Variants in AKAP19 observed in about 807,000 individuals in gnomAD.
The protein encoded by AKAP19 is A-kinase anchoring protein 19.
the AKAP19 span, among the ~76,000 whole-genome samples, chr2:190,185,289 G>A: frequency 6.6e-6 from 1 of 152,204 alleles, no homozygotes; most frequent in African/African-American, 2.4e-5. Flanking sequence ...TTAGGTTTGT[G>A]ACCAAGGCCT....
chr2:190,052,090 C>CA, the AKAP19 span, among the ~76,000 whole-genome samples: 1 of 152,230 alleles, frequency 6.6e-6, no homozygotes, highest in East Asian at 1.9e-4. Context: ...CCGCCCGCCT[C>CA]AGCCTCCCAA....
the AKAP19 span, among the ~76,000 whole-genome samples, chr2:190,045,832 G>A: frequency 6.6e-6 from 1 of 152,140 alleles, no homozygotes; most frequent in African/African-American, 2.4e-5. Flanking sequence ...AGCTACTTTT[G>A]TCAGAAAGCC....
chr2:190,050,547 A>G, the AKAP19 span, among the ~76,000 whole-genome samples: 10 of 152,338 alleles, frequency 6.6e-5, no homozygotes, highest in Middle Eastern at 0.014. Context: ...AAAGGATGTC[A>G]TCTCATTTTA....
At chr2:189,949,897 T>C in the AKAP19 span, among the ~76,000 whole-genome samples, 1 of 151,898 alleles carries the variant, frequency 6.6e-6, no homozygotes, top group Non-Finnish European at 1.5e-5. Context: ...CCCAAAGTGC[T>C]GGGATTACAG....
the AKAP19 span, among the ~76,000 whole-genome samples, chr2:190,105,482 C>T: frequency 6.6e-6 from 1 of 152,116 alleles, no homozygotes; most frequent in African/African-American, 2.4e-5. Flanking sequence ...CAAACTGTCC[C>T]CAGACATCTT....
chr2:189,911,415 T>A, the AKAP19 span, among the ~76,000 whole-genome samples: 10 of 152,230 alleles, frequency 6.6e-5, no homozygotes, highest in South Asian at 8.3e-4. Flanking sequence ...CTTACTTTCC[T>A]AAAATTTTTC....
chr2:190,089,454 T>C, the AKAP19 span: 2 of 152,128 alleles, frequency 1.3e-5, no homozygotes, highest in African/African-American at 2.4e-5. Context: ...CCTGAAGGTT[T>C]TTAAAAATTC....
the AKAP19 span, among the ~76,000 whole-genome samples, chr2:189,967,770 C>T: frequency 9.2e-5 from 14 of 151,424 alleles, no homozygotes; most frequent in Admixed American, 3.3e-4. Context: ...ACTATAATCA[C>T]ACCTGTGAAT....
the AKAP19 span, among the ~76,000 whole-genome samples, chr2:190,053,317 A>G: frequency 6.6e-6 from 1 of 152,198 alleles, no homozygotes; most frequent in Admixed American, 6.5e-5. Flanking sequence ...AGGATATGAT[A>G]CTATTGAAGT....
the AKAP19 span, among the ~76,000 whole-genome samples, chr2:190,066,171 C>T: frequency 6.6e-6 from 1 of 152,108 alleles, no homozygotes; most frequent in African/African-American, 2.4e-5. Context: ...TGGTATGGTT[C>T]GTCTTTGTAC....
the AKAP19 span, among the ~76,000 whole-genome samples, chr2:190,154,340 T>C: frequency 2.0e-5 from 3 of 152,216 alleles, no homozygotes. Flanking sequence ...TTTAATCATT[T>C]GCTGTATTTT....
chr2:190,120,362 T>TG, the AKAP19 span, among the ~76,000 whole-genome samples: 7,545 of 151,764 alleles, frequency 0.05, 269 homozygotes, highest in Non-Finnish European at 0.065. Flanking sequence ...CCAAAAAAGC[T>TG]GGGGGGGGCC....
At chr2:190,037,133 G>C in the AKAP19 span, among the ~76,000 whole-genome samples, 1 of 152,170 alleles carries the variant, frequency 6.6e-6, no homozygotes, top group African/African-American at 2.4e-5. Flanking sequence ...CAACTGCTAG[G>C]GCTCAGACAT....
the AKAP19 span, among the ~76,000 whole-genome samples, chr2:190,085,881 G>A: frequency 3.9e-5 from 6 of 152,182 alleles, no homozygotes; most frequent in African/African-American, 1.4e-4. Flanking sequence ...GAGCACGAAG[G>A]CCATGGGAAA....
chr2:190,023,088 A>G, the AKAP19 span, among the ~76,000 whole-genome samples: 1 of 152,074 alleles, frequency 6.6e-6, no homozygotes, highest in African/African-American at 2.4e-5. Context: ...TTCCAAACTG[A>G]TATTTCATTT....
the AKAP19 span, among the ~76,000 whole-genome samples, chr2:190,058,287 C>T: frequency 6.6e-6 from 1 of 151,954 alleles, no homozygotes; most frequent in Non-Finnish European, 1.5e-5. Context: ...TTTCCCTTTA[C>T]ATGAAAAAAT....
At chr2:190,133,208 A>T in the AKAP19 span, among the ~76,000 whole-genome samples, 1 of 135,154 alleles carries the variant, frequency 7.4e-6, no homozygotes, top group Non-Finnish European at 1.5e-5. Context: ...ACTGCACTCC[A>T]GCCTGGGAGA....
chr2:190,152,697 C>T, the AKAP19 span, among the ~76,000 whole-genome samples: 1 of 152,092 alleles, frequency 6.6e-6, no homozygotes, highest in East Asian at 1.9e-4. Flanking sequence ...ATTATTGTTC[C>T]TTAGTAACTT....
At chr2:190,048,189 TTA>T in the AKAP19 span, among the ~76,000 whole-genome samples, 1 of 152,214 alleles carries the variant, frequency 6.6e-6, no homozygotes, top group Non-Finnish European at 1.5e-5. Context: ...AAATTATGTT[TTA>T]GATCTAAGAA....
Sources: gnomAD v4.1 joint callset for allele counts (sites outside exome capture counted in the v4.1 genomes callset) on GRCh38, gnomAD v4.1.1 for gene constraint, MANE v1.5 for transcripts, NCBI Gene and HGNC (gene_info 2026-07-23, HGNC 2026-07-21) for gene names.